Variants in CAST observed in about 807,000 individuals in gnomAD.
CAST encodes MIR583 host.
A neutral mutation model predicts 119.6 loss-of-function variants in CAST; 76 were observed. That is an observed-to-expected ratio of 0.64 (90% confidence interval 0.53 to 0.77). CAST has a LOEUF of 0.77. Ranked by LOEUF, CAST falls within the 30% of genes least tolerant of loss-of-function variation. CAST has a pLI of 0.00. For synonymous variants in CAST, 319 were observed against 331.6 expected (o/e 0.96, Z 0.41); for missense variants, 953 against 946.5 (o/e 1.01, Z -0.09).
chr5:96,464,088 T>C, the CAST span, among the ~76,000 whole-genome samples: 1 of 152,024 alleles, frequency 6.6e-6, no homozygotes, highest in Non-Finnish European at 1.5e-5. Context: ...ATAGATTTTC[T>C]GGGAAGACTA....
intron 30 of CAST, among the ~76,000 whole-genome samples, chr5:96,770,894 A>G (rs1772067471): frequency 1.3e-5 from 2 of 152,170 alleles, no homozygotes; most frequent in South Asian, 4.1e-4. Context: ...TGTGGTTTAT[A>G]TAGATTTTAG....
chr5:96,130,647 C>T, the CAST span, among the ~76,000 whole-genome samples: 1 of 151,790 alleles, frequency 6.6e-6, no homozygotes, highest in East Asian at 1.9e-4. Context: ...TAAAATTGCA[C>T]ATAAAAGATT....
the CAST span, among the ~76,000 whole-genome samples, chr5:96,289,061 T>G: frequency 6.6e-6 from 1 of 151,756 alleles, no homozygotes; most frequent in Admixed American, 6.6e-5. Context: ...TTTCTGCTGC[T>G]GCTTTCCCAC....
the CAST span, among the ~76,000 whole-genome samples, chr5:96,158,091 A>C: frequency 6.7e-6 from 1 of 150,128 alleles, no homozygotes. Flanking sequence ...AACACACACA[A>C]AAAAACCCAA....
chr5:96,065,442 T>C, the CAST span, among the ~76,000 whole-genome samples: 1 of 152,038 alleles, frequency 6.6e-6, no homozygotes, highest in East Asian at 1.9e-4. Context: ...TATTTATATG[T>C]ATATATGTAG....
At chr5:96,704,472 T>A (rs1437917232) in intron 3 of CAST, among the ~76,000 whole-genome samples, 2 of 152,234 alleles carry the variant, frequency 1.3e-5, no homozygotes, top group Admixed American at 1.3e-4. Context: ...GAAAATCAGC[T>A]GAGTATTTAT....
In CAST at chr5:96,741,071, G is replaced by C. The variant is rs541901697; in HGVS notation, c.919-195G>C. ...TGAGAATGTAACTCCTTTTGAAAGG[G>C]GGAAGTGGAAAATAATACTCAATGA... is the stretch of plus-strand genomic sequence containing the variant. On this transcript the variant is annotated intron_variant, in intron 13 of 31. Coordinates refer to ENST00000675179, the MANE Select transcript of CAST (RefSeq NM_001750.7). 10 of 594,684 alleles carry C rather than the reference G, an allele frequency of 1.7e-5. No individual in the cohort carries two copies. In the African/African-American group the frequency reaches 1.9e-4, roughly 11 times the overall value. 36.8% of individuals were successfully genotyped at this position (594,684 alleles called of 1,614,324 possible). A position where few individuals can be genotyped will look rare whatever the true frequency, so the allele number is the denominator to read the frequency against.
At chr5:96,558,422 G>T (rs1423576116) in intron 1 of CAST, among the ~76,000 whole-genome samples, 1 of 152,060 alleles carries the variant, frequency 6.6e-6, no homozygotes, top group Non-Finnish European at 1.5e-5. Flanking sequence ...TCCAGGAGCT[G>T]GTTTTTTGAA....
At chr5:96,095,924 G>T in the CAST span, among the ~76,000 whole-genome samples, 1 of 152,138 alleles carries the variant, frequency 6.6e-6, no homozygotes, top group Non-Finnish European at 1.5e-5. Flanking sequence ...TGTTGACAAG[G>T]TTGATCCAAC....
At position 96,765,327 on chromosome 5, in the gene CAST, T is replaced by TA. The variant is rs59338324; in HGVS notation, c.2037+28dup. On this transcript the variant is annotated splice_region_variant and intron_variant, in intron 26 of 31. Coordinates refer to ENST00000675179, the MANE Select transcript of CAST (RefSeq NM_001750.7). Reference sequence around the variant, plus strand: ...AAACCAATGGAAGATAAAGTAAAGGTAAAAAAAAAAAAAAAAAAAAAAAAA... The same window carrying TA: ...AAACCAATGGAAGATAAAGTAAAGGTAAAAAAAAAAAAAAAAAAAAAAAAAA... 1.7e-3 allele frequency: 866 copies of TA among 511,928 alleles called. 6 individuals are homozygous for TA. Among genetic ancestry groups the TA allele is most frequent in the African/African-American group, 8.4e-3 (292 of 34,632 alleles). 31.7% of individuals were successfully genotyped at this position (511,928 alleles called of 1,614,324 possible).
chr5:96,150,138 G>A, the CAST span, among the ~76,000 whole-genome samples: 1 of 152,182 alleles, frequency 6.6e-6, no homozygotes, highest in Non-Finnish European at 1.5e-5. Context: ...TAATGGGGGA[G>A]ACTGCCCACA....
chr5:96,685,234 A>G (rs1751947072), intron 2 of CAST, among the ~76,000 whole-genome samples: 1 of 152,166 alleles, frequency 6.6e-6, no homozygotes, highest in Admixed American at 6.5e-5. Context: ...ACGGAATTGA[A>G]TGGATGTTCA....
chr5:96,551,122 C>G (rs1274954901), intron 1 of CAST, among the ~76,000 whole-genome samples: 1 of 152,130 alleles, frequency 6.6e-6, no homozygotes, highest in Non-Finnish European at 1.5e-5. Context: ...TTGTCAGATT[C>G]ACCTAGGTTG....
the CAST span, among the ~76,000 whole-genome samples, chr5:96,374,875 C>T: frequency 1.3e-5 from 2 of 152,122 alleles, no homozygotes; most frequent in East Asian, 1.9e-4. Flanking sequence ...CTCTCAATCT[C>T]GGGTATGATC....
chr5:96,386,853 T>C, the CAST span, among the ~76,000 whole-genome samples: 1 of 152,096 alleles, frequency 6.6e-6, no homozygotes, highest in South Asian at 2.1e-4. Flanking sequence ...TAATCCCAGC[T>C]ACTCAGGAGA....
At chr5:96,658,935 AATGCG>A (rs1398754160), upstream of CAST, among the ~76,000 whole-genome samples, 3 of 152,240 alleles carry the variant, frequency 2.0e-5, no homozygotes, top group Admixed American at 1.3e-4. Flanking sequence ...ATCTCCAGCA[AATGCG>A]ATGTGGTATC....
chr5:96,237,420 G>A, the CAST span, among the ~76,000 whole-genome samples: 11 of 152,150 alleles, frequency 7.2e-5, no homozygotes, highest in African/African-American at 2.2e-4. Flanking sequence ...TGTCTGATAT[G>A]GGAATTAGGG....
intron 1 of CAST, among the ~76,000 whole-genome samples, chr5:96,636,542 C>CAA (rs11461380): frequency 0.026 from 3,850 of 150,882 alleles, 60 homozygotes; most frequent in African/African-American, 0.028. Context: ...TTTTATTTGG[C>CAA]AAAAAAAAAT....
chr5:96,018,562 C>T, the CAST span, among the ~76,000 whole-genome samples: 6 of 152,128 alleles, frequency 3.9e-5, no homozygotes, highest in African/African-American at 1.2e-4. Context: ...ATTGGTAAAA[C>T]ATTTATTTGC....
Sources: allele counts gnomAD v4.1 joint callset (sites outside exome capture counted in the v4.1 genomes callset), GRCh38; gene constraint gnomAD v4.1.1; transcripts MANE v1.5; gene names NCBI Gene and HGNC (gene_info 2026-07-23, HGNC 2026-07-21).